Variants in AIG1 observed in about 807,000 individuals in gnomAD.
AIG1 encodes androgen induced 1.
A neutral mutation model predicts 31.4 loss-of-function variants in AIG1; 23 were observed. The ratio of observed to expected loss-of-function variants is 0.73; its 90% CI spans 0.53 to 1.04. AIG1 has a LOEUF of 1.04. Ranked by LOEUF, AIG1 falls within the 50% of genes least tolerant of loss-of-function variation. The pLI is 0.00. For missense variants in AIG1, 274 were observed against 295.0 expected (o/e 0.93, Z 0.52); for synonymous variants, 100 against 110.5 (o/e 0.90, Z 0.60).
chr6:143,326,357 T>C lies in AIG1; in HGVS notation c.516-6925T>C, dbSNP rs2128719157. Among the ~76,000 whole-genome samples, 1 of 152,294 alleles carries C rather than the reference T, an allele frequency of 6.6e-6. No individual in the cohort carries two copies. The highest frequency in any genetic ancestry group is 1.9e-4 in the East Asian group (1 of 5,186). ...GTTCTCAGTTCTTTAGACATGCCTT[T>C]TTTTGGCTAGAAAGTTCTTTCCTCC... On this transcript the variant is annotated intron_variant, in intron 4 of 5. Transcript: ENST00000357847. This position sits in a 1 kb window ranked among gnomAD's most constrained non-coding sequence, Gnocchi z 4.5.
At chr6:143,143,776 C>G (rs879526141) in intron 2 of AIG1, among the ~76,000 whole-genome samples, 28 of 151,620 alleles carry the variant, frequency 1.8e-4, no homozygotes, top group Non-Finnish European at 3.7e-4. Flanking sequence ...AATGCTTGCC[C>G]CCTGCACTGA....
At chr6:143,116,556 A>G (rs1345141877) in intron 1 of AIG1, among the ~76,000 whole-genome samples, 1 of 151,566 alleles carries the variant, frequency 6.6e-6, no homozygotes, top group East Asian at 1.9e-4. Context: ...GAAGGAAGCT[A>G]TGGAGAATTG....
intron 1 of AIG1, among the ~76,000 whole-genome samples, chr6:143,124,424 C>T (rs1306658486): frequency 1.3e-5 from 2 of 152,196 alleles, no homozygotes; most frequent in East Asian, 1.9e-4. Flanking sequence ...GCCCTCCCAA[C>T]GAGGACACTA....
At chr6:143,306,404 CT>C (rs1799313968) in intron 4 of AIG1, among the ~76,000 whole-genome samples, 1 of 151,950 alleles carries the variant, frequency 6.6e-6, no homozygotes, top group Admixed American at 6.6e-5. Flanking sequence ...TTCAGGAGCT[CT>C]TTTAGGGCAG....
intron 2 of AIG1, 63 bp downstream of exon 2, chr6:143,137,053 AG>A (rs1783823858): frequency 7.6e-7 from 1 of 1,311,558 alleles, no homozygotes; most frequent in African/African-American, 1.5e-5. Flanking sequence ...CAGACTTCTA[AG>A]AGAAAAAAAA....
chr6:143,103,583 C>CT (rs1780517900), intron 1 of AIG1, among the ~76,000 whole-genome samples: 1 of 143,698 alleles, frequency 7.0e-6, no homozygotes, highest in Non-Finnish European at 1.5e-5. Flanking sequence ...TCTCGGCTCA[C>CT]TGCAAGCTCC....
downstream of AIG1, among the ~76,000 whole-genome samples, chr6:143,341,789 G>T (rs1031890629): frequency 6.6e-6 from 1 of 152,306 alleles, no homozygotes; most frequent in South Asian, 2.1e-4. Context: ...GTGTACAAAC[G>T]ATGGATGAAT....
At chr6:143,245,461 A>G (rs1794554617) in intron 3 of AIG1, among the ~76,000 whole-genome samples, 2 of 152,216 alleles carry the variant, frequency 1.3e-5, no homozygotes, top group Admixed American at 1.3e-4. Flanking sequence ...TATTGATACC[A>G]TAATGGAATT....
At chr6:143,166,926 A>G (rs1787018248) in intron 3 of AIG1, among the ~76,000 whole-genome samples, 2 of 152,202 alleles carry the variant, frequency 1.3e-5, no homozygotes. Context: ...GTGTGGCCAC[A>G]TTTTATCTGA....
intron 3 of AIG1, chr6:143,190,621 A>G: frequency 5.1e-6 from 5 of 985,386 alleles, no homozygotes; most frequent in Non-Finnish European, 6.0e-6. Flanking sequence ...CCTGGCACAG[A>G]TCCTCCAGTT....
At chr6:143,302,431 G>A (rs1042416453) in intron 4 of AIG1, among the ~76,000 whole-genome samples, 1 of 150,798 alleles carries the variant, frequency 6.6e-6, no homozygotes, top group Non-Finnish European at 1.5e-5. Flanking sequence ...GTGTCCATGT[G>A]TTCTCATTGT....
At chr6:143,289,398 A>G (rs1425755542) in intron 4 of AIG1, among the ~76,000 whole-genome samples, 2 of 152,116 alleles carry the variant, frequency 1.3e-5, no homozygotes, top group African/African-American at 4.8e-5. Flanking sequence ...AGTTGTGCCT[A>G]AACTCCAAAA....
intron 4 of AIG1, among the ~76,000 whole-genome samples, chr6:143,318,448 G>T (rs1562588762): frequency 6.6e-6 from 1 of 152,092 alleles, no homozygotes; most frequent in Non-Finnish European, 1.5e-5. Context: ...AATGAAACTG[G>T]ATCCTCATCT....
chr6:143,068,184 T>C (rs1207395062), intron 1 of AIG1, among the ~76,000 whole-genome samples: 1 of 152,202 alleles, frequency 6.6e-6, no homozygotes, highest in Non-Finnish European at 1.5e-5. Context: ...GGTATAACAT[T>C]TGGCAAAATT....
Position 143,331,846 on chromosome 6 carries a change from TTTATTATTATTA to T in AIG1, c.516-1406_516-1395del, listed in dbSNP as rs35498304. 3.8e-3 allele frequency among the ~76,000 whole-genome samples: 517 copies of T among 137,620 alleles called. 1 individual carries two copies. The highest frequency in any genetic ancestry group is 0.013 in the African/African-American group (467 of 36,734). 90.3% of individuals were successfully genotyped at this position (137,620 alleles called of 152,430 possible). ...AAATGAGGTACATGTGTAGGTAATGTTTATTATTATTATTATTATTATTATTATTATTATTAT... is the reference window on the plus strand; with the variant it reads ...AAATGAGGTACATGTGTAGGTAATGTTTATTATTATTATTATTATTATTAT... On this transcript the variant is annotated intron_variant, in intron 4 of 5. Coordinates refer to ENST00000357847, the MANE Select transcript of AIG1 (RefSeq NM_016108.4). The surrounding 1 kb of genome is among the most constrained non-coding windows in gnomAD (Gnocchi z 4.1).
rs535106915 is a variant in AIG1, at chr6:143,304,221, T to C, written c.515+19996T>C. Among the ~76,000 whole-genome samples, 23 of 151,984 alleles carry C rather than the reference T, an allele frequency of 1.5e-4. 1 individual carries two copies. The South Asian group carries it at 4.8e-3, about 32-fold the overall frequency. On this transcript the variant is annotated intron_variant, in intron 4 of 5. Transcript: ENST00000357847. ...TCCTAATTGAATACCCTTTATTTCC[T>C]TCTCCTGCCTAATTGCCCTGGCCAG...
chr6:143,209,304 C>T (rs1791403625), intron 3 of AIG1, among the ~76,000 whole-genome samples: 2 of 152,146 alleles, frequency 1.3e-5, no homozygotes, highest in African/African-American at 2.4e-5. Context: ...ACTCATGTCC[C>T]CCAAAGGAGT....
chr6:143,206,211 C>T (rs1001338181), intron 3 of AIG1, among the ~76,000 whole-genome samples: 6 of 152,344 alleles, frequency 3.9e-5, no homozygotes, highest in Non-Finnish European at 5.9e-5. Context: ...ATTGTAATAG[C>T]TGGCAGGCAA....
upstream of AIG1, chr6:143,060,879 C>A (rs1318313447): frequency 7.6e-7 from 1 of 1,312,778 alleles, no homozygotes; most frequent in South Asian, 2.1e-5. Context: ...GCGCCTCCCT[C>A]ACGCCCGCCC....
Sources: allele counts gnomAD v4.1 joint callset (sites outside exome capture counted in the v4.1 genomes callset), GRCh38; gene constraint gnomAD v4.1.1; non-coding constraint Gnocchi (gnomAD v3.1); transcripts MANE v1.5; gene names NCBI Gene and HGNC (gene_info 2026-07-23, HGNC 2026-07-21).